The following DCBLD2 variants were observed in gnomAD, a reference collection of about 807,000 sequenced individuals.
The protein encoded by DCBLD2 is discoidin, CUB and LCCL domain containing 2, also known as discoidin, CUB and LCCL domain-containing protein 2.
Under a neutral mutation model 86.8 loss-of-function variants are expected in DCBLD2, and 54 were observed. That is an observed-to-expected ratio of 0.62 (90% confidence interval 0.50 to 0.78). The LOEUF is 0.78. Among genes scored for constraint, DCBLD2 ranks in the 30% least tolerant of loss-of-function variants. The pLI is 0.00. For missense variants in DCBLD2, 908 were observed against 954.2 expected, an observed-to-expected ratio of 0.95 and a Z score of 0.64; for synonymous variants, 354 against 341.3, an observed-to-expected ratio of 1.04 and a Z score of -0.41.
intron 9 of DCBLD2, chr3:98,816,342 A>C (rs1419383685): frequency 6.6e-6 from 1 of 152,160 alleles, no homozygotes; most frequent in Non-Finnish European, 1.5e-5. Context: ...TTTTTCAGAA[A>C]TATCATTTAA....
chr3:98,864,860 A>G (rs1943114906), intron 2 of DCBLD2, among the ~76,000 whole-genome samples: 2 of 151,840 alleles, frequency 1.3e-5, no homozygotes, highest in African/African-American at 4.8e-5. Flanking sequence ...TAATAAAAAA[A>G]GAAAAAATGT....
At chr3:98,835,585 T>C (rs1942424471) in intron 3 of DCBLD2, among the ~76,000 whole-genome samples, 1 of 151,602 alleles carries the variant, frequency 6.6e-6, no homozygotes, top group Admixed American at 6.6e-5. Context: ...GTTTCTTTTT[T>C]GTTGCCCAGC....
intron 2 of DCBLD2, among the ~76,000 whole-genome samples, chr3:98,854,279 A>G (rs1268949075): frequency 6.6e-6 from 1 of 152,200 alleles, no homozygotes; most frequent in Non-Finnish European, 1.5e-5. Context: ...GTTTCTTTAA[A>G]AAGTCTGGCT....
chr3:98,862,953 A>G (rs1388616618), intron 2 of DCBLD2, among the ~76,000 whole-genome samples: 6 of 152,230 alleles, frequency 3.9e-5, no homozygotes, highest in African/African-American at 1.4e-4. Context: ...AGATGACATG[A>G]TTGTATATTT....
chr3:98,853,379 CA>C (rs1350621734), intron 2 of DCBLD2, among the ~76,000 whole-genome samples: 6 of 152,204 alleles, frequency 3.9e-5, no homozygotes, highest in African/African-American at 1.4e-4. Context: ...CCTTAAGTAG[CA>C]GCTGTCCCCT....
chr3:98,831,950 T>C (rs550308425), intron 3 of DCBLD2, among the ~76,000 whole-genome samples: 1 of 152,302 alleles, frequency 6.6e-6, no homozygotes, highest in South Asian at 2.1e-4. Context: ...TAGAGGTCTA[T>C]TAGATACATT....
intron 1 of DCBLD2, among the ~76,000 whole-genome samples, chr3:98,882,474 G>A (rs1429726908): frequency 1.3e-5 from 2 of 151,860 alleles, no homozygotes; most frequent in Non-Finnish European, 2.9e-5. Flanking sequence ...TGTGCACAAT[G>A]CGCAGGTTAC....
intron 3 of DCBLD2, among the ~76,000 whole-genome samples, chr3:98,839,105 C>CTTTT (rs1553726959): frequency 9.4e-6 from 1 of 106,916 alleles, no homozygotes; most frequent in African/African-American, 3.2e-5. Flanking sequence ...GTGCTCCCTT[C>CTTTT]TTTCTTTCTT....
At chr3:98,847,936 A>G (rs1375642869) in intron 3 of DCBLD2, among the ~76,000 whole-genome samples, 1 of 152,188 alleles carries the variant, frequency 6.6e-6, no homozygotes, top group African/African-American at 2.4e-5. Flanking sequence ...TTTATCTTAG[A>G]GATTCAGGTA....
In DCBLD2 at chr3:98,886,840, G is replaced by GA. The variant is rs1482575252; in HGVS notation, c.206-5074dup. Among the ~76,000 whole-genome samples, 6 of 119,346 alleles carry GA rather than the reference G, an allele frequency of 5.0e-5. No individual in the cohort carries two copies. The East Asian group carries it at 1.3e-3, about 25-fold the overall frequency. 78.3% of individuals were successfully genotyped at this position (119,346 alleles called of 152,430 possible). On this transcript the variant is annotated intron_variant, in intron 1 of 15. Transcript: ENST00000326840. ...TTTTTTTTTTTACTACTTATCCCTA[G>GA]AAAAAAGAGAAAGAAAATTAAACGT...
intron 4 of DCBLD2, among the ~76,000 whole-genome samples, chr3:98,823,381 A>G (rs1167563933): frequency 6.6e-6 from 1 of 152,220 alleles, no homozygotes; most frequent in African/African-American, 2.4e-5. Flanking sequence ...TGGATATGCC[A>G]TAATACATTT....
intron 1 of DCBLD2, among the ~76,000 whole-genome samples, chr3:98,884,918 A>G (rs1253726989): frequency 6.6e-6 from 1 of 152,142 alleles, no homozygotes; most frequent in African/African-American, 2.4e-5. Flanking sequence ...ATTTTTACAA[A>G]GAGTACACGC....
chr3:98,851,751 G>C (rs1395464889), intron 2 of DCBLD2, among the ~76,000 whole-genome samples: 1 of 152,180 alleles, frequency 6.6e-6, no homozygotes, highest in Non-Finnish European at 1.5e-5. Context: ...CAATGGAACA[G>C]AACAGAGGCT....
intron 3 of DCBLD2, among the ~76,000 whole-genome samples, chr3:98,839,661 T>A (rs1208613498): frequency 6.6e-6 from 1 of 152,142 alleles, no homozygotes; most frequent in Non-Finnish European, 1.5e-5. Context: ...TATGACCAGA[T>A]GTCATTCTAG....
chr3:98,823,895 C>T (rs1038770896), intron 4 of DCBLD2, among the ~76,000 whole-genome samples: 1 of 152,230 alleles, frequency 6.6e-6, no homozygotes, highest in Non-Finnish European at 1.5e-5. Context: ...GTACCGCCCC[C>T]AGTCAGGGAA....
Position 98,796,734 on chromosome 3 carries a change from A to C in DCBLD2, c.*2638T>G, listed in dbSNP as rs1941606868. The C allele has an allele frequency of 6.5e-6, 1 of 152,684 alleles. No homozygotes were observed. Among genetic ancestry groups the C allele is most frequent in the Non-Finnish European group, 1.5e-5 (1 of 68,044 alleles). 9.5% of individuals were successfully genotyped at this position (152,684 alleles called of 1,614,324 possible). A position where few individuals can be genotyped will look rare whatever the true frequency, so the allele number is the denominator to read the frequency against. On this transcript the variant is annotated 3_prime_UTR_variant, in exon 16 of 16. Coordinates refer to ENST00000326840, the MANE Select transcript of DCBLD2 (RefSeq NM_080927.4). ...GATCTATTTAGATTTACAGCATTTA[A>C]TAAAGTATAAGTCAGAATTCACAAT...
In DCBLD2 at chr3:98,844,909, G is replaced by A. The variant is rs117673405; in HGVS notation, c.571+4552C>T. Among the ~76,000 whole-genome samples, 212 of 152,304 alleles carry A rather than the reference G, an allele frequency of 1.4e-3. 1 individual carries two copies. The East Asian group carries it at 0.016, about 12-fold the overall frequency. On this transcript the variant is annotated intron_variant, in intron 3 of 15. Coordinates refer to ENST00000326840, the MANE Select transcript of DCBLD2 (RefSeq NM_080927.4). Reference sequence around the variant, plus strand: ...TATTTATTATAGTTCACTGTGTGGCGAATAGACTGTTAGAGAGAATACCTA... The same window carrying A: ...TATTTATTATAGTTCACTGTGTGGCAAATAGACTGTTAGAGAGAATACCTA...
rs756871898 is a variant in DCBLD2, at chr3:98,901,211, C to T, written c.116G>A (p.Cys39Tyr). 2.0e-6 allele frequency: 3 copies of T among 1,535,978 alleles called. No homozygotes were observed. The South Asian group carries it at 3.6e-5, about 18-fold the overall frequency. The part of the protein sequence containing the change: ...ALPLSRSLPP[C>Y]SNSSSFSMPL... The stretch of plus-strand genomic sequence containing the variant: ...CATGGAGAAGGAGGAGGAGTTGGAG[C>T]AGGGAGGGAGGGAGCGGGAGAGGGG... The change falls in exon 1 of 16, where the codon TGC becomes TAC. Residue 39 changes from cysteine (C) to tyrosine (Y), a missense_variant. Cys to Tyr is a radical substitution (Grantham distance 194, BLOSUM62 -2). Transcript: ENST00000326840.
chr3:98,878,817 A>G (rs913676836), intron 2 of DCBLD2, among the ~76,000 whole-genome samples: 6 of 152,294 alleles, frequency 3.9e-5, no homozygotes, highest in Non-Finnish European at 7.4e-5. Context: ...GAATAGGAAA[A>G]AGCAATGGAA....
Sources: gnomAD v4.1 joint callset for allele counts (sites outside exome capture counted in the v4.1 genomes callset) on GRCh38, gnomAD v4.1.1 for gene constraint, MANE v1.5 for transcripts, NCBI Gene and HGNC (gene_info 2026-07-23, HGNC 2026-07-21) for gene names.